Variants in TMEM8B observed in about 807,000 individuals in gnomAD.
TMEM8B encodes the protein transmembrane protein 8B.
A neutral mutation model predicts 49.3 loss-of-function variants in TMEM8B; 29 were observed. That is an observed-to-expected ratio of 0.59 (90% CI 0.44 to 0.80). TMEM8B has a LOEUF of 0.80. Ranked by LOEUF, TMEM8B falls within the 30% of genes least tolerant of loss-of-function variation. The probability of loss-of-function intolerance (pLI) is 0.00; values close to 1 mark genes in which losing one functional copy is unlikely to be tolerated. For synonymous variants in TMEM8B, 264 were observed against 272.8 expected (o/e 0.97, Z 0.32); for missense variants, 575 against 658.5 (o/e 0.87, Z 1.39).
At chr9:35,843,364 G>T (rs1029105560) in intron 6 of TMEM8B, among the ~76,000 whole-genome samples, 10 of 152,206 alleles carry the variant, frequency 6.6e-5, no homozygotes, top group Non-Finnish European at 1.5e-4. Flanking sequence ...TATTTTTACA[G>T]CCCTTCAGAT....
intron 6 of TMEM8B, among the ~76,000 whole-genome samples, chr9:35,844,120 T>C (rs1419525173): frequency 2.0e-5 from 3 of 152,240 alleles, no homozygotes; most frequent in Non-Finnish European, 2.9e-5. Flanking sequence ...TTACTTTGTT[T>C]ATCTAGTTGT....
chr9:35,835,399 G>C (rs1185326888), intron 3 of TMEM8B, 181 bp downstream of exon 3: 4 of 396,832 alleles, frequency 1.0e-5, no homozygotes, highest in Admixed American at 4.4e-5. Flanking sequence ...CCATGATCTG[G>C]AGGAGGCAAC....
chr9:35,844,745 A>C (rs574588642), intron 6 of TMEM8B, among the ~76,000 whole-genome samples: 138 of 152,340 alleles, frequency 9.1e-4, no homozygotes, highest in South Asian at 1.4e-3. Context: ...GTACCCTGAG[A>C]ATAGAAGCCT....
intron 1 of TMEM8B, among the ~76,000 whole-genome samples, chr9:35,833,671 G>A (rs1830140909): frequency 6.6e-6 from 1 of 152,112 alleles, no homozygotes; most frequent in Non-Finnish European, 1.5e-5. Context: ...CTGCCTCACT[G>A]GGCTTCCCTT....
chr9:35,841,502 AC>A lies in TMEM8B; in HGVS notation c.1041-19del. 2.4e-6 allele frequency: 1 copy of A among 415,270 alleles called. No homozygotes were observed. The highest frequency in any genetic ancestry group is 4.4e-6 in the Non-Finnish European group (1 of 227,016). 25.7% of individuals were successfully genotyped at this position (415,270 alleles called of 1,614,324 possible). Reference sequence around the variant, plus strand: ...CTCTCGCCTCTGTTTGTGCCTTCTTACCCCCAACCTCTCCTCTGCCCAGGGT... The same window carrying A: ...CTCTCGCCTCTGTTTGTGCCTTCTTACCCCAACCTCTCCTCTGCCCAGGGT... On this transcript the variant is annotated intron_variant, in intron 4 of 12. Transcript: ENST00000643932. The surrounding 1 kb of genome is among the most constrained non-coding windows in gnomAD (Gnocchi z 5.9).
At chr9:35,845,299 C>A in intron 6 of TMEM8B, 1 of 695,554 alleles carries the variant, frequency 1.4e-6, no homozygotes, top group Non-Finnish European at 1.8e-6. Flanking sequence ...ACTTTATTTT[C>A]CTGTCCTGAT....
intron 3 of TMEM8B, among the ~76,000 whole-genome samples, chr9:35,836,263 A>G (rs553600658): frequency 6.6e-6 from 1 of 152,290 alleles, no homozygotes; most frequent in South Asian, 2.1e-4. Flanking sequence ...AGAACTCCCT[A>G]TCAAGGCCTG....
At chr9:35,846,178 G>A (rs972886600) in intron 7 of TMEM8B, 80 bp from the exon 8 acceptor site, 34 of 1,606,932 alleles carry the variant, frequency 2.1e-5, no homozygotes, top group Middle Eastern at 3.3e-4. Context: ...CTAGGGTTCC[G>A]GGAAGTGGGA....
intron 6 of TMEM8B, chr9:35,845,265 A>G: frequency 2.5e-6 from 1 of 398,694 alleles, no homozygotes; most frequent in South Asian, 1.0e-4. Context: ...GCAGTATCAA[A>G]TATATGGCCT....
At chr9:35,848,065 C>G (rs1174154701) in intron 10 of TMEM8B, among the ~76,000 whole-genome samples, 1 of 152,214 alleles carries the variant, frequency 6.6e-6, no homozygotes, top group Admixed American at 6.5e-5. Flanking sequence ...TCCTGCATTA[C>G]TAGGTCAGAC....
chr9:35,856,506 C>G lies in TMEM8B; in HGVS notation c.*2666C>G, dbSNP rs967698820. ...TCTTTATTCTATGGGAAATGAGGAG[C>G]CATTGGAGAGATTAAGCAGGAGAGG... is the stretch of plus-strand genomic sequence containing the variant. On this transcript the variant is annotated 3_prime_UTR_variant, in exon 13 of 13. Coordinates refer to ENST00000643932, the MANE Select transcript of TMEM8B (RefSeq NM_001042590.4). 1.3e-5 allele frequency: 2 copies of G among 151,982 alleles called. No homozygotes were observed. The highest frequency in any genetic ancestry group is 6.6e-5 in the Admixed American group (1 of 15,260). 9.4% of individuals were successfully genotyped at this position (151,982 alleles called of 1,614,324 possible).
At chr9:35,849,586 A>G (rs1477783557) in intron 10 of TMEM8B, among the ~76,000 whole-genome samples, 3 of 152,212 alleles carry the variant, frequency 2.0e-5, no homozygotes, top group Non-Finnish European at 4.4e-5. Context: ...TATCTACCTT[A>G]GAATCTGGGT....
chr9:35,847,178 A>G (rs1018429246), intron 10 of TMEM8B, 183 bp downstream of exon 10: 6 of 1,592,190 alleles, frequency 3.8e-6, no homozygotes, highest in Non-Finnish European at 5.2e-6. Flanking sequence ...TTTGTAAGAC[A>G]CATTGGAGTA....
At chr9:35,843,929 A>AT (rs575094017) in intron 6 of TMEM8B, among the ~76,000 whole-genome samples, 125 of 151,892 alleles carry the variant, frequency 8.2e-4, no homozygotes, top group African/African-American at 2.9e-3. Context: ...CACCCAGCTA[A>AT]TTTTTTGTAT....
chr9:35,832,091 C>CA (rs998612459), intron 1 of TMEM8B, among the ~76,000 whole-genome samples: 13 of 149,548 alleles, frequency 8.7e-5, no homozygotes, highest in Middle Eastern at 3.2e-3. Context: ...CCTTGCTATT[C>CA]AAAAAAAAAT....
Position 35,846,292 on chromosome 9 carries a change from C to T in TMEM8B, c.1764C>T (p.Ala588=). 1.9e-6 allele frequency: 3 copies of T among 1,614,230 alleles called. No homozygotes were observed. Among genetic ancestry groups the T allele is most frequent in the Non-Finnish European group, 2.5e-6 (3 of 1,180,046 alleles). ...SLAGFLLSVS[A]TTRVARLRIP... is the part of the protein sequence containing the mutation. ...CCGGCTTCCTCCTCTCTGTCAGTGC[C>T]ACCACCAGGGTTGCCAGGCTGCGAA... is the stretch of plus-strand genomic sequence containing the variant. The change falls in exon 8 of 13, where the codon GCC becomes GCT. Residue 588 remains alanine (A), a synonymous_variant. Transcript: ENST00000643932.
intron 10 of TMEM8B, among the ~76,000 whole-genome samples, chr9:35,852,603 G>A (rs549439401): frequency 2.6e-4 from 39 of 152,116 alleles, no homozygotes; most frequent in Non-Finnish European, 4.9e-4. Context: ...CTCAGGGTCA[G>A]GGTCAGGGCT....
intron 10 of TMEM8B, among the ~76,000 whole-genome samples, chr9:35,847,760 G>A (rs1200410273): frequency 6.6e-6 from 1 of 152,108 alleles, no homozygotes; most frequent in Non-Finnish European, 1.5e-5. Context: ...TTGCAGAATT[G>A]CCACAATCTC....
chr9:35,845,551 C>G (rs2132332485), intron 6 of TMEM8B: 1 of 985,486 alleles, frequency 1.0e-6, no homozygotes. Context: ...GAGTGAGTGT[C>G]TTCATGCTCC....
Sources: gnomAD v4.1 joint callset for allele counts (sites outside exome capture counted in the v4.1 genomes callset) on GRCh38, gnomAD v4.1.1 for gene constraint, Gnocchi (gnomAD v3.1) non-coding constraint, MANE v1.5 for transcripts, NCBI Gene and HGNC (gene_info 2026-07-23, HGNC 2026-07-21) for gene names.